The following PTPRD variants were observed in gnomAD, a reference collection of about 807,000 sequenced individuals.
PTPRD encodes the protein protein tyrosine phosphatase receptor type D.
PTPRD carries 34 observed loss-of-function variants against 214.5 expected under a neutral mutation model. The observed-to-expected ratio is 0.16, with a 90% CI of 0.12 to 0.21. The LOEUF (loss-of-function observed/expected upper bound fraction) is 0.21. Ranked by LOEUF, PTPRD falls within the 10% of genes least tolerant of loss-of-function variation. The pLI is 1.00. For missense variants in PTPRD, 2,545 were observed against 2,398.7 expected (o/e 1.06, Z -1.27); for synonymous variants, 1,128 against 845.7 (o/e 1.33, Z -5.79).
chr9:9,966,473 G>A (rs2094708732), intron 4 of PTPRD, among the ~76,000 whole-genome samples: 1 of 152,132 alleles, frequency 6.6e-6, no homozygotes, highest in South Asian at 2.1e-4. Context: ...CCATTGTAGA[G>A]CTAAGGGGTT....
chr9:8,682,151 T>C (rs1014037041), intron 12 of PTPRD, among the ~76,000 whole-genome samples: 3 of 150,770 alleles, frequency 2.0e-5, no homozygotes, highest in Admixed American at 6.6e-5. Flanking sequence ...ATGTGCAGAA[T>C]GTATGTGACT....
At chr9:8,689,260 A>G (rs2097756236) in intron 12 of PTPRD, among the ~76,000 whole-genome samples, 1 of 152,248 alleles carries the variant, frequency 6.6e-6, no homozygotes, top group Non-Finnish European at 1.5e-5. Flanking sequence ...ATGAAAACAA[A>G]ATCAGAGTAA....
chr9:9,010,092 A>T (rs1158605524), intron 11 of PTPRD, among the ~76,000 whole-genome samples: 1 of 152,188 alleles, frequency 6.6e-6, no homozygotes, highest in Non-Finnish European at 1.5e-5. Context: ...TTAGAAAATC[A>T]TTCAAGATTT....
chr9:10,451,448 G>C (rs1291151043), intron 2 of PTPRD, among the ~76,000 whole-genome samples: 1 of 151,366 alleles, frequency 6.6e-6, no homozygotes, highest in Non-Finnish European at 1.5e-5. Flanking sequence ...GTTGAGTATT[G>C]TGGATGAGAT....
At chr9:9,236,116 G>C (rs1256002101) in intron 9 of PTPRD, among the ~76,000 whole-genome samples, 1 of 152,006 alleles carries the variant, frequency 6.6e-6, no homozygotes, top group Non-Finnish European at 1.5e-5. Flanking sequence ...ATACAAAAAA[G>C]TAGCTGGGCA....
chr9:9,952,260 A>T (rs1175376451), intron 4 of PTPRD, among the ~76,000 whole-genome samples: 1 of 152,170 alleles, frequency 6.6e-6, no homozygotes, highest in Admixed American at 6.5e-5. Context: ...AAGGTGGGAC[A>T]TTATTGGGCT....
chr9:9,064,571 C>T (rs1468732485), intron 10 of PTPRD, among the ~76,000 whole-genome samples: 1 of 152,130 alleles, frequency 6.6e-6, no homozygotes, highest in East Asian at 1.9e-4. Flanking sequence ...TGGCATACAA[C>T]ATCAAGGGAT....
rs560016721 is a variant in PTPRD, at chr9:8,316,105, G to A, written c.*1769C>T. 7 of 229,740 alleles carry A rather than the reference G, an allele frequency of 3.0e-5. No individual in the cohort carries two copies. The highest frequency in any genetic ancestry group is 5.7e-5 in the Admixed American group (1 of 17,616). The allele number at this position is 229,740 out of a possible 1,614,324, so 14.2% of individuals were successfully genotyped here. On this transcript the variant is annotated 3_prime_UTR_variant, in exon 46 of 46. Coordinates refer to ENST00000381196, the MANE Select transcript of PTPRD (RefSeq NM_002839.4). Reference sequence around the variant, plus strand: ...ATAAATAAAACAAGTAGCTTTTTCTGATGTTGATGATTGATTATAAAAGGA... The same window carrying A: ...ATAAATAAAACAAGTAGCTTTTTCTAATGTTGATGATTGATTATAAAAGGA...
At chr9:9,549,103 AT>A (rs2079551350) in intron 8 of PTPRD, among the ~76,000 whole-genome samples, 2 of 152,116 alleles carry the variant, frequency 1.3e-5, no homozygotes, top group South Asian at 2.1e-4. Flanking sequence ...AGTAGGCAAT[AT>A]TTTTTAGATA....
intron 10 of PTPRD, among the ~76,000 whole-genome samples, chr9:9,175,589 C>T (rs1275533094): frequency 3.0e-5 from 4 of 134,764 alleles, no homozygotes; most frequent in Non-Finnish European, 1.5e-5. Context: ...CGCTGCTGCA[C>T]TCCAGCTTGG....
At chr9:8,721,352 C>T (rs2098494926) in intron 12 of PTPRD, among the ~76,000 whole-genome samples, 1 of 150,540 alleles carries the variant, frequency 6.6e-6, no homozygotes, top group African/African-American at 2.4e-5. Flanking sequence ...ATCGCTTGAA[C>T]CTAGGAGTCA....
intron 4 of PTPRD, among the ~76,000 whole-genome samples, chr9:10,003,484 T>G (rs2096386362): frequency 6.6e-6 from 1 of 151,678 alleles, no homozygotes; most frequent in South Asian, 2.1e-4. Flanking sequence ...AGAACAATTG[T>G]GTGTTCTGAA....
Position 8,492,865 on chromosome 9 carries a change from C to T in PTPRD, c.2464G>A (p.Ala822Thr), listed in dbSNP as rs754059551. ...SKPKLVSTTG[A>T]VPGKPRLVIN... ...ATACATGCACAGACATGATTACCTG[C>T]CCCAGTGGTGGACACCAGTTTGGGC... The change falls in exon 27 of 46, where the codon GCA becomes ACA. Residue 822 changes from alanine to threonine, a missense_variant. By Grantham distance (58) the Ala-to-Thr change is moderately conservative (BLOSUM62 0). Transcript: ENST00000381196. 6.2e-7 allele frequency: 1 copy of T among 1,611,614 alleles called. No individual in the cohort carries two copies.
At chr9:8,793,026 C>T (rs933994104) in intron 11 of PTPRD, among the ~76,000 whole-genome samples, 10 of 152,172 alleles carry the variant, frequency 6.6e-5, no homozygotes, top group African/African-American at 2.4e-4. Flanking sequence ...GCTCAAGAAG[C>T]TGGCGACCTA....
At chr9:9,459,565 G>A (rs944485399) in intron 8 of PTPRD, among the ~76,000 whole-genome samples, 1 of 151,740 alleles carries the variant, frequency 6.6e-6, no homozygotes, top group Non-Finnish European at 1.5e-5. Context: ...CACCATTTTC[G>A]AGCTGAGAAC....
intron 43 of PTPRD, among the ~76,000 whole-genome samples, chr9:8,336,016 G>A (rs1846308532): frequency 6.6e-6 from 1 of 151,906 alleles, no homozygotes. Flanking sequence ...TCAATATCGT[G>A]AAAATGGCCA....
At chr9:8,602,072 C>A (rs1208278876) in intron 14 of PTPRD, among the ~76,000 whole-genome samples, 1 of 152,020 alleles carries the variant, frequency 6.6e-6, no homozygotes, top group East Asian at 1.9e-4. Context: ...TGCTACCAAA[C>A]AGAAGATGAA....
intron 10 of PTPRD, among the ~76,000 whole-genome samples, chr9:9,127,607 A>T (rs917735244): frequency 1.3e-5 from 2 of 152,184 alleles, no homozygotes; most frequent in Non-Finnish European, 2.9e-5. Context: ...TCTGTTTTTA[A>T]CATGATAAAG....
chr9:9,354,778 C>T (rs62532896), intron 9 of PTPRD, among the ~76,000 whole-genome samples: 232 of 151,820 alleles, frequency 1.5e-3, no homozygotes, highest in Non-Finnish European at 2.9e-3. Flanking sequence ...ACCATGGGTG[C>T]TTCTCATTGA....
Sources: gnomAD v4.1 joint callset for allele counts (sites outside exome capture counted in the v4.1 genomes callset) on GRCh38, gnomAD v4.1.1 for gene constraint, MANE v1.5 for transcripts, NCBI Gene and HGNC (gene_info 2026-07-23, HGNC 2026-07-21) for gene names.